Variants in PRH1 observed in about 807,000 individuals in gnomAD.
PRH1 encodes proline rich protein HaeIII subfamily 1, also known as salivary acidic proline-rich phosphoprotein 1/2.
PRH1 carries 7 observed loss-of-function variants against 7.9 expected under a neutral mutation model. The observed-to-expected ratio is 0.89, with a 90% CI of 0.50 to 1.67. The LOEUF is 1.67. PRH1 is among the 40% of genes most tolerant of loss of function. The pLI is 0.00. For missense variants in PRH1, 109 were observed against 223.6 expected (o/e 0.49, Z 3.27); for synonymous variants, 45 against 80.8 (o/e 0.56, Z 2.38).
At chr12:10,983,686 G>A (rs541019739) in intron 1 of PRH1, among the ~76,000 whole-genome samples, 27 of 152,232 alleles carry the variant, frequency 1.8e-4, no homozygotes, top group African/African-American at 2.6e-4. Flanking sequence ...GACTAATGCC[G>A]GCTGTGGTTT....
upstream of PRH1, among the ~76,000 whole-genome samples, chr12:10,887,413 A>C (rs1407116735): frequency 6.6e-6 from 1 of 152,204 alleles, no homozygotes; most frequent in Admixed American, 6.5e-5. Flanking sequence ...TTGTCTAAAA[A>C]GTTTGGTGAC....
At chr12:11,137,620 G>T (rs1301251483) in intron 1 of PRH1, among the ~76,000 whole-genome samples, 1 of 152,118 alleles carries the variant, frequency 6.6e-6, no homozygotes, top group Non-Finnish European at 1.5e-5. Context: ...GTGAAAAGAG[G>T]ATTAGTTTAA....
intron 1 of PRH1, chr12:11,092,257 A>T: frequency 1.6e-6 from 2 of 1,229,238 alleles, no homozygotes; most frequent in Non-Finnish European, 2.3e-6. Context: ...AAATTTTTTT[A>T]AATGCTGGTG....
intron 1 of PRH1, among the ~76,000 whole-genome samples, chr12:11,111,167 C>G (rs996963497): frequency 6.6e-6 from 1 of 152,156 alleles, no homozygotes; most frequent in African/African-American, 2.4e-5. Context: ...TTCTTAGAGA[C>G]CTACAAAGAG....
intron 1 of PRH1, among the ~76,000 whole-genome samples, chr12:11,037,425 G>A (rs1312842626): frequency 6.6e-6 from 1 of 152,184 alleles, no homozygotes; most frequent in Non-Finnish European, 1.5e-5. Flanking sequence ...AAAATTTATA[G>A]TAACAAAATA....
At chr12:11,111,253 A>T (rs1390332120) in intron 1 of PRH1, among the ~76,000 whole-genome samples, 1 of 152,230 alleles carries the variant, frequency 6.6e-6, no homozygotes, top group African/African-American at 2.4e-5. Context: ...ATGAGACAGA[A>T]AATTAACAAG....
chr12:11,013,628 C>T (rs1232091025), intron 1 of PRH1, among the ~76,000 whole-genome samples: 2 of 152,140 alleles, frequency 1.3e-5, no homozygotes, highest in Non-Finnish European at 2.9e-5. Context: ...GCCTATCAAT[C>T]TATTGATATT....
At chr12:11,085,197 T>C (rs75029717) in intron 1 of PRH1, among the ~76,000 whole-genome samples, 46,836 of 99,628 alleles carry the variant, frequency 0.47, 9,633 homozygotes, top group Non-Finnish European at 0.58. Flanking sequence ...ACAAGTATAA[T>C]TATGCTAGAC....
chr12:11,120,143 G>C (rs1030312706), downstream of PRH1, among the ~76,000 whole-genome samples: 5 of 152,146 alleles, frequency 3.3e-5, no homozygotes, highest in Non-Finnish European at 5.9e-5. Flanking sequence ...GTAGGAGTTA[G>C]AACCATGGTA....
intron 2 of PRH1, among the ~76,000 whole-genome samples, chr12:10,943,630 C>G (rs998535711): frequency 6.6e-6 from 1 of 152,088 alleles, no homozygotes; most frequent in Non-Finnish European, 1.5e-5. Context: ...ATGTCTTTGC[C>G]ATGAAATCTT....
At chr12:11,010,182 T>C (rs1941003415) in intron 1 of PRH1, among the ~76,000 whole-genome samples, 1 of 151,992 alleles carries the variant, frequency 6.6e-6, no homozygotes, top group Non-Finnish European at 1.5e-5. Flanking sequence ...TCAGCTTGAC[T>C]TGAGCTTTGC....
At chr12:11,064,396 G>A (rs1476875344) in intron 1 of PRH1, among the ~76,000 whole-genome samples, 1 of 151,862 alleles carries the variant, frequency 6.6e-6, no homozygotes, top group East Asian at 1.9e-4. Context: ...TGGATTTACT[G>A]TAATGATTGA....
rs148782828 is a variant in PRH1 at position 11,132,130 on chromosome 12, C to T, written n.40-10950G>A. 5.7e-3 allele frequency among the ~76,000 whole-genome samples: 872 copies of T among 152,268 alleles called. 14 individuals are homozygous for T. The highest frequency in any genetic ancestry group is 0.02 in the African/African-American group (833 of 41,564). On this transcript the variant is annotated intron_variant and non_coding_transcript_variant, in intron 1 of 1. Transcript: ENST00000541175. ...ATTAATACAGTCATGTAGAATTTAG[C>T]TGTAAACAAGACTGTACATTTCCTT...
intron 1 of PRH1, chr12:11,078,427 C>T: frequency 6.3e-6 from 1 of 158,686 alleles, no homozygotes; most frequent in East Asian, 1.0e-4. Flanking sequence ...GAGTTCAAAG[C>T]TGTCTTCATA....
intron 1 of PRH1, among the ~76,000 whole-genome samples, chr12:11,028,343 G>A (rs1161004205): frequency 1.3e-5 from 2 of 152,168 alleles, no homozygotes; most frequent in African/African-American, 4.8e-5. Context: ...TAGCCCTTCT[G>A]GAAAAGTGCT....
chr12:11,069,148 G>A (rs1187862488), intron 1 of PRH1, among the ~76,000 whole-genome samples: 5 of 149,548 alleles, frequency 3.3e-5, no homozygotes, highest in Non-Finnish European at 6.0e-5. Flanking sequence ...CAATAATTGT[G>A]CTCAAGAAAT....
intron 1 of PRH1, among the ~76,000 whole-genome samples, chr12:11,074,444 T>C (rs1342957499): frequency 3.0e-5 from 3 of 99,376 alleles, no homozygotes; most frequent in Non-Finnish European, 7.3e-5. Context: ...GGGGAACCGC[T>C]GGAGGTGAGA....
intron 1 of PRH1, among the ~76,000 whole-genome samples, chr12:10,994,283 C>T (rs1353740248): frequency 6.6e-6 from 1 of 152,184 alleles, no homozygotes; most frequent in Non-Finnish European, 1.5e-5. Context: ...TGATGGAAAG[C>T]AGAACAGCAG....
chr12:10,940,551 G>A (rs1950382580), intron 2 of PRH1, among the ~76,000 whole-genome samples: 1 of 147,444 alleles, frequency 6.8e-6, no homozygotes, highest in South Asian at 2.2e-4. Flanking sequence ...TGCCCAGTAG[G>A]GCATATTGCT....
Sources: allele counts gnomAD v4.1 joint callset (sites outside exome capture counted in the v4.1 genomes callset), GRCh38; gene constraint gnomAD v4.1.1; transcripts MANE v1.5; gene names NCBI Gene and HGNC (gene_info 2026-07-23, HGNC 2026-07-21).